KIF14: variants seen among roughly 807,000 people sequenced by gnomAD.
KIF14 encodes kinesin-like protein KIF14.
In KIF14, 98 loss-of-function variants were observed where a neutral mutation model predicts 176.2. The observed-to-expected ratio is 0.56, with a 90% CI of 0.47 to 0.66. The LOEUF is 0.66. KIF14 is among the 30% of genes least tolerant of loss of function. The probability of loss-of-function intolerance (pLI) is 0.00; values close to 1 mark genes in which losing one functional copy is unlikely to be tolerated. For synonymous variants in KIF14, 566 were observed against 632.2 expected, an observed-to-expected ratio of 0.90 and a Z score of 1.57; for missense variants, 1,751 against 1,920.4, an observed-to-expected ratio of 0.91 and a Z score of 1.65.
At chr1:200,613,494 G>T (rs1660258443) in intron 4 of KIF14, among the ~76,000 whole-genome samples, 1 of 152,152 alleles carries the variant, frequency 6.6e-6, no homozygotes, top group South Asian at 2.1e-4. Context: ...GTACTTGGCT[G>T]TTAACTTATT....
chr1:200,579,367 G>A (rs1365064971), intron 21 of KIF14, among the ~76,000 whole-genome samples: 1 of 152,130 alleles, frequency 6.6e-6, no homozygotes, highest in African/African-American at 2.4e-5. Context: ...AGCACTTTGG[G>A]AAGCCAAGGC....
chr1:200,553,739 C>CACATAG lies in KIF14; in HGVS notation c.4595_4596insCTATGT (p.Gln1532delinsHisTyrVal). ...AGTTGCGAATACTTTCAACACAAGT[C>CACATAG]TGGAGAAGATTTATATCACTATGGC... On this transcript the variant is annotated protein_altering_variant, in exon 30 of 30. Transcript: ENST00000367350. The CACATAG allele has an allele frequency of 6.2e-7, 1 of 1,606,512 alleles. No homozygotes were observed. Among genetic ancestry groups the CACATAG allele is most frequent in the African/African-American group, 1.3e-5 (1 of 74,796 alleles).
At chr1:200,598,805 C>T (rs990399173) in intron 13 of KIF14, among the ~76,000 whole-genome samples, 11 of 152,038 alleles carry the variant, frequency 7.2e-5, no homozygotes, top group South Asian at 2.1e-4. Context: ...GTGATCCACC[C>T]GCCTCAGCCT....
intron 25 of KIF14, among the ~76,000 whole-genome samples, chr1:200,564,116 G>C (rs6687365): frequency 0.23 from 34,810 of 151,620 alleles, 5,763 homozygotes; most frequent in African/African-American, 0.46. Flanking sequence ...ACAAAAATTA[G>C]CCGAGCATGG....
rs1407547475 is a variant in KIF14 at position 200,617,797 on chromosome 1, A to G, written c.927T>C (p.Ser309=). The G allele has an allele frequency of 6.2e-7, 1 of 1,614,180 alleles. No individual in the cohort carries two copies. Among genetic ancestry groups the G allele is most frequent in the Non-Finnish European group, 8.5e-7 (1 of 1,180,024 alleles). ...TTGGTCTTTGTTTAACTTGAAGGTT[A>G]GACATTCTATTCTTCAGTATTGATG... ...PAPSILKNRM[S]NLQVKQRPKS... Residue 309 remains serine (S), a synonymous_variant, in exon 2 of 30, where the codon TCT becomes TCC. Coordinates refer to ENST00000367350, the MANE Select transcript of KIF14 (RefSeq NM_014875.3).
chr1:200,606,000 T>A lies in KIF14; in HGVS notation c.1608-106A>T, dbSNP rs41269921. 315 of 563,066 alleles carry A rather than the reference T, an allele frequency of 5.6e-4. No individual in the cohort carries two copies. The highest frequency in any genetic ancestry group is 8.6e-4 in the Non-Finnish European group (277 of 320,462). The allele number at this position is 563,066 out of a possible 1,614,324, so 34.9% of individuals were successfully genotyped here. On this transcript the variant is annotated intron_variant, in intron 6 of 29. Transcript: ENST00000367350. ...TACATATTTACGCTGAAGATCACAA[T>A]GGACTAATTCATGAATATTATTTTA...
intron 14 of KIF14, among the ~76,000 whole-genome samples, chr1:200,595,686 C>T (rs1329697462): frequency 5.3e-5 from 8 of 152,194 alleles, no homozygotes; most frequent in Non-Finnish European, 8.8e-5. Flanking sequence ...CAGTGGCTCA[C>T]GTCTGTAATC....
intron 20 of KIF14, among the ~76,000 whole-genome samples, chr1:200,580,732 G>A (rs2102651357): frequency 6.6e-6 from 1 of 152,150 alleles, no homozygotes; most frequent in Middle Eastern, 3.4e-3. Context: ...AATCCAGAAT[G>A]ACCTCTGAAA....
At chr1:200,558,582 T>C (rs1017412227) in intron 27 of KIF14, among the ~76,000 whole-genome samples, 7 of 152,196 alleles carry the variant, frequency 4.6e-5, no homozygotes, top group Non-Finnish European at 1.0e-4. Flanking sequence ...GGGCTTTTTC[T>C]TACTGACAAA....
Position 200,589,351 on chromosome 1 carries a change from T to G in KIF14, c.2980A>C (p.Lys994Gln), listed in dbSNP as rs769808263. 1 of 1,608,984 alleles carries G rather than the reference T, an allele frequency of 6.2e-7. No individual in the cohort carries two copies. The highest frequency in any genetic ancestry group is 8.5e-7 in the Non-Finnish European group (1 of 1,177,176). ...EAELREESQRKKMQEINNQKA... is the reference protein window; with the variant it reads ...EAELREESQRQKMQEINNQKA... ...TGGTTATTTATTTCCTGCATTTTTTTCCTTTGAGACTCTTCTCTCTTTAAA... is the reference window on the plus strand; with the variant it reads ...TGGTTATTTATTTCCTGCATTTTTTGCCTTTGAGACTCTTCTCTCTTTAAA... Residue 994 changes from lysine to glutamine, a missense_variant, in exon 18 of 30, where the codon AAA becomes CAA. Physicochemically the swap from Lys to Gln is moderately conservative, Grantham distance 53. Coordinates refer to ENST00000367350, the MANE Select transcript of KIF14 (RefSeq NM_014875.3).
chr1:200,561,264 G>T (rs542090928), intron 25 of KIF14, among the ~76,000 whole-genome samples: 10 of 147,168 alleles, frequency 6.8e-5, no homozygotes, highest in African/African-American at 2.5e-4. Flanking sequence ...AAATGTCCCG[G>T]ACACGGTGGC....
Position 200,553,607 on chromosome 1 carries a change from C to T in KIF14, c.4728G>A (p.Lys1576=). 1.9e-6 allele frequency: 3 copies of T among 1,614,144 alleles called. No individual in the cohort carries two copies. The highest frequency in any genetic ancestry group is 2.5e-6 in the Non-Finnish European group (3 of 1,180,012). The change falls in exon 30 of 30, where the codon AAG becomes AAA. Residue 1576 remains lysine (K), a synonymous_variant. Transcript: ENST00000367350. The part of the protein sequence containing the change: ...IVHQELESLA[K]SLLFCFESEE... The stretch of plus-strand genomic sequence containing the variant: ...CAGATTCAAAACAAAAGAGGAGAGA[C>T]TTAGCTAGAGATTCTAGTTCCTGGT...
intron 20 of KIF14, among the ~76,000 whole-genome samples, chr1:200,580,985 C>T (rs1030070574): frequency 2.0e-5 from 3 of 151,614 alleles, no homozygotes; most frequent in African/African-American, 7.3e-5. Flanking sequence ...TGGCGCACAC[C>T]ACCCAGTAAT....
chr1:200,596,888 CT>C (rs993346438), intron 14 of KIF14, among the ~76,000 whole-genome samples: 3,918 of 98,542 alleles, frequency 0.04, 30 homozygotes, highest in African/African-American at 0.084. Flanking sequence ...CTCTCTCTCT[CT>C]TTTTTTTTTT....
chr1:200,606,593 T>C (rs945608879), intron 6 of KIF14, among the ~76,000 whole-genome samples, 153 bp downstream of exon 6: 4 of 150,826 alleles, frequency 2.7e-5, no homozygotes, highest in African/African-American at 9.8e-5. Flanking sequence ...AAAACCTAAT[T>C]GGACAATATC....
intron 22 of KIF14, among the ~76,000 whole-genome samples, chr1:200,572,554 A>T (rs762882150): frequency 2.6e-5 from 4 of 152,168 alleles, no homozygotes; most frequent in Admixed American, 6.5e-5. Flanking sequence ...CGTGTTAGCC[A>T]GGATGGTCTC....
Position 200,560,714 on chromosome 1 carries a change from T to C in KIF14, c.4230+8A>G. ...TGAAGTCTGTCTGAACTAACATTGC[T>C]AAATTACCTGGACACTGGCAGCTTT... On this transcript the variant is annotated splice_region_variant and intron_variant, in intron 26 of 29. Transcript: ENST00000367350. The C allele has an allele frequency of 1.9e-6, 3 of 1,614,170 alleles. No homozygotes were observed. The highest frequency in any genetic ancestry group is 2.5e-6 in the Non-Finnish European group (3 of 1,179,986).
At chr1:200,600,636 G>C (rs950121466) in intron 11 of KIF14, 133 bp from the exon 12 acceptor site, 34 of 646,924 alleles carry the variant, frequency 5.3e-5, no homozygotes, top group Non-Finnish European at 7.5e-5. Flanking sequence ...TAGAATATTG[G>C]AGAAATCAGC....
chr1:200,581,148 T>C (rs1355675203), intron 20 of KIF14, 53 bp downstream of exon 20: 2 of 740,880 alleles, frequency 2.7e-6, no homozygotes, highest in East Asian at 2.9e-5. Context: ...AACTAAATGA[T>C]ATAAAGGCCA....
Sources: gnomAD v4.1 joint callset for allele counts (sites outside exome capture counted in the v4.1 genomes callset) on GRCh38, gnomAD v4.1.1 for gene constraint, MANE v1.5 for transcripts, NCBI Gene and HGNC (gene_info 2026-07-23, HGNC 2026-07-21) for gene names.